The following CAMKMT variants were observed in gnomAD, a reference collection of about 807,000 sequenced individuals.
CAMKMT encodes CaM KMT.
CAMKMT carries 53 observed loss-of-function variants against 48.0 expected under a neutral mutation model. The ratio of observed to expected loss-of-function variants is 1.10; its 90% CI spans 0.89 to 1.39. The LOEUF is 1.39. Ranked by LOEUF, CAMKMT falls within the 40% of genes most tolerant of loss-of-function variation. The probability of loss-of-function intolerance (pLI) is 0.00; values close to 1 mark genes in which losing one functional copy is unlikely to be tolerated. For missense variants in CAMKMT, 428 were observed against 402.7 expected, an observed-to-expected ratio of 1.06 and a Z score of -0.54; for synonymous variants, 165 against 152.3, an observed-to-expected ratio of 1.08 and a Z score of -0.61.
At chr2:44,389,181 G>A (rs1224854997) in intron 2 of CAMKMT, among the ~76,000 whole-genome samples, 2 of 152,100 alleles carry the variant, frequency 1.3e-5, no homozygotes, top group Non-Finnish European at 2.9e-5. Flanking sequence ...GGGTCTTGCT[G>A]TAGCTGCTGT....
intron 2 of CAMKMT, among the ~76,000 whole-genome samples, chr2:44,373,274 T>C (rs775530433): frequency 6.6e-5 from 10 of 152,362 alleles, no homozygotes; most frequent in East Asian, 3.9e-4. Flanking sequence ...CAAGCTTTGG[T>C]ATTTTTTCCA....
chr2:44,476,696 A>G (rs1415735808), intron 3 of CAMKMT, among the ~76,000 whole-genome samples: 7 of 152,130 alleles, frequency 4.6e-5, no homozygotes, highest in Non-Finnish European at 5.9e-5. Context: ...ATGTAGCTCA[A>G]TATTGTTTTC....
At chr2:44,631,618 G>T in intron 3 of CAMKMT, 1 of 494,128 alleles carries the variant, frequency 2.0e-6, no homozygotes, top group Non-Finnish European at 3.5e-6. Flanking sequence ...CATTTCTTGC[G>T]GACAGTTGTA....
chr2:44,655,974 G>A (rs892144424), intron 3 of CAMKMT, among the ~76,000 whole-genome samples: 5 of 152,162 alleles, frequency 3.3e-5, no homozygotes, highest in South Asian at 2.1e-4. Context: ...AAGGCTTTCC[G>A]TTCCAGTTTT....
At chr2:44,433,727 C>G (rs181978731) in intron 3 of CAMKMT, among the ~76,000 whole-genome samples, 1 of 152,124 alleles carries the variant, frequency 6.6e-6, no homozygotes, top group Non-Finnish European at 1.5e-5. Context: ...CTTTTGAAAA[C>G]ATGCTTACAT....
intron 3 of CAMKMT, among the ~76,000 whole-genome samples, chr2:44,696,603 C>A (rs566499444): frequency 6.6e-6 from 1 of 152,202 alleles, no homozygotes; most frequent in Non-Finnish European, 1.5e-5. Context: ...CAGTTGAAAG[C>A]AGAGAATACG....
intron 1 of CAMKMT, among the ~76,000 whole-genome samples, chr2:44,364,428 A>G (rs553538467): frequency 1.3e-5 from 2 of 152,222 alleles, no homozygotes; most frequent in Non-Finnish European, 2.9e-5. Context: ...AACTCTACCA[A>G]TGAGCCCTTT....
chr2:44,757,023 G>A (rs1360231748), intron 9 of CAMKMT, among the ~76,000 whole-genome samples: 7 of 152,190 alleles, frequency 4.6e-5, no homozygotes, highest in African/African-American at 7.2e-5. Flanking sequence ...ATTTCCTCAC[G>A]TGTCAAAAGG....
chr2:44,647,124 A>G (rs1572988870), intron 3 of CAMKMT, among the ~76,000 whole-genome samples: 1 of 151,722 alleles, frequency 6.6e-6, no homozygotes, highest in African/African-American at 2.4e-5. Context: ...TGGTGAAACT[A>G]TGTTACTAAG....
At chr2:44,468,400 G>T (rs1668241188) in intron 3 of CAMKMT, among the ~76,000 whole-genome samples, 2 of 152,256 alleles carry the variant, frequency 1.3e-5, no homozygotes, top group South Asian at 4.2e-4. Flanking sequence ...CACTGCTGGT[G>T]GGAATGTAGA....
chr2:44,600,239 C>CGTG (rs1383868469), intron 3 of CAMKMT, among the ~76,000 whole-genome samples: 3 of 151,776 alleles, frequency 2.0e-5, no homozygotes, highest in Non-Finnish European at 4.4e-5. Context: ...CATTACATAC[C>CGTG]ACCACTATCA....
At chr2:44,656,291 T>C (rs1674373561) in intron 3 of CAMKMT, among the ~76,000 whole-genome samples, 1 of 152,340 alleles carries the variant, frequency 6.6e-6, no homozygotes, top group Non-Finnish European at 1.5e-5. Context: ...ACCAAATCAT[T>C]TCTTCATTCA....
At chr2:44,515,823 C>A (rs1670803821) in intron 3 of CAMKMT, among the ~76,000 whole-genome samples, 1 of 152,060 alleles carries the variant, frequency 6.6e-6, no homozygotes, top group Non-Finnish European at 1.5e-5. Context: ...AGTAAAGATG[C>A]CAGCTTTAGT....
Position 44,760,904 on chromosome 2 carries a change from T to C in CAMKMT, c.763-5526T>C, listed in dbSNP as rs572346574. Among the ~76,000 whole-genome samples, 8 of 152,276 alleles carry C rather than the reference T, an allele frequency of 5.3e-5. No individual in the cohort carries two copies. In the South Asian group the frequency reaches 1.7e-3, roughly 32 times the overall value. On this transcript the variant is annotated intron_variant, in intron 9 of 10. Coordinates refer to ENST00000378494, the MANE Select transcript of CAMKMT (RefSeq NM_024766.5). ...GGAGAAGAGGACAATGAATGGATAT[T>C]CACTGAGCGTTCCACTCAGCAAACA...
intron 7 of CAMKMT, among the ~76,000 whole-genome samples, chr2:44,736,828 T>G (rs1223042865): frequency 6.6e-6 from 1 of 152,224 alleles, no homozygotes; most frequent in Non-Finnish European, 1.5e-5. Flanking sequence ...ATTGTAGTTT[T>G]CATCTCTAGA....
At position 44,393,777 on chromosome 2, in the gene CAMKMT, G is replaced by A. The variant is rs369809054; in HGVS notation, c.376+3472G>A. 2.6e-5 allele frequency among the ~76,000 whole-genome samples: 4 copies of A among 152,272 alleles called. No homozygotes were observed. In the East Asian group the frequency reaches 7.7e-4, roughly 29 times the overall value. On this transcript the variant is annotated intron_variant, in intron 3 of 10. Transcript: ENST00000378494. ...AACAAGGGAGTGCTCTATAAGCATTGTAGCAGATTTCTTGCTTCTGCTTTT... is the reference window on the plus strand; with the variant it reads ...AACAAGGGAGTGCTCTATAAGCATTATAGCAGATTTCTTGCTTCTGCTTTT...
At chr2:44,620,876 G>T (rs1441701005) in intron 3 of CAMKMT, among the ~76,000 whole-genome samples, 2 of 152,134 alleles carry the variant, frequency 1.3e-5, no homozygotes, top group South Asian at 2.1e-4. Flanking sequence ...ACTCCTTTGT[G>T]CTTCAGTTTT....
intron 3 of CAMKMT, among the ~76,000 whole-genome samples, chr2:44,523,264 G>T (rs569310379): frequency 6.6e-6 from 1 of 151,426 alleles, no homozygotes; most frequent in South Asian, 2.1e-4. Context: ...ATGATGTCTT[G>T]GGCTTCTGCT....
chr2:44,486,237 G>A (rs1303428866), intron 3 of CAMKMT, among the ~76,000 whole-genome samples: 2 of 152,060 alleles, frequency 1.3e-5, no homozygotes, highest in African/African-American at 4.8e-5. Flanking sequence ...AAAGTGCTGG[G>A]ATTACAGGTG....
Sources: allele counts gnomAD v4.1 joint callset (sites outside exome capture counted in the v4.1 genomes callset), GRCh38; gene constraint gnomAD v4.1.1; transcripts MANE v1.5; gene names NCBI Gene and HGNC (gene_info 2026-07-23, HGNC 2026-07-21).